SOX5: variants seen among roughly 807,000 people sequenced by gnomAD.
The protein encoded by SOX5 is transcription factor SOX-5.
Under a neutral mutation model 92.0 loss-of-function variants are expected in SOX5, and 9 were observed. That is an observed-to-expected ratio of 0.10 (90% CI 0.06 to 0.17). The LOEUF (loss-of-function observed/expected upper bound fraction) is 0.17. SOX5 is among the 10% of genes least tolerant of loss of function. The pLI is 1.00. For synonymous variants in SOX5, 344 were observed against 336.3 expected (o/e 1.02, Z -0.25); for missense variants, 642 against 944.5 (o/e 0.68, Z 4.20).
intron 6 of SOX5, among the ~76,000 whole-genome samples, chr12:23,728,429 G>T (rs905869324): frequency 6.6e-6 from 1 of 152,028 alleles, no homozygotes; most frequent in Non-Finnish European, 1.5e-5. Context: ...ATGTGTGCAG[G>T]GTCTTGTTGA....
intron 4 of SOX5, among the ~76,000 whole-genome samples, chr12:24,055,767 T>G (rs1312712395): frequency 6.6e-6 from 1 of 152,206 alleles, no homozygotes; most frequent in Non-Finnish European, 1.5e-5. Context: ...TACAATGACA[T>G]TTTAAACAAT....
At chr12:24,185,793 C>G (rs903127329) in intron 4 of SOX5, among the ~76,000 whole-genome samples, 10 of 152,106 alleles carry the variant, frequency 6.6e-5, no homozygotes, top group African/African-American at 2.4e-4. Context: ...TAAATGTTAT[C>G]CATGATTAAT....
At chr12:24,100,474 C>T (rs992308254) in intron 4 of SOX5, among the ~76,000 whole-genome samples, 7 of 152,258 alleles carry the variant, frequency 4.6e-5, no homozygotes, top group African/African-American at 1.7e-4. Context: ...TGGGCTTCCT[C>T]CTACATCACT....
At chr12:23,563,568 T>G (rs1946573774) in intron 10 of SOX5, among the ~76,000 whole-genome samples, 165 bp from the exon 11 acceptor site, 1 of 152,220 alleles carries the variant, frequency 6.6e-6, no homozygotes, top group Non-Finnish European at 1.5e-5. Flanking sequence ...CAATGACTGA[T>G]CCATATAGTC....
At chr12:24,295,105 TACAA>T (rs1947053119) in intron 2 of SOX5, among the ~76,000 whole-genome samples, 1 of 152,090 alleles carries the variant, frequency 6.6e-6, no homozygotes, top group Non-Finnish European at 1.5e-5. Context: ...TATATGAACT[TACAA>T]ATAAATTTTT....
intron 1 of SOX5, among the ~76,000 whole-genome samples, chr12:24,413,881 A>G (rs1396183165): frequency 6.6e-6 from 1 of 152,196 alleles, no homozygotes; most frequent in Non-Finnish European, 1.5e-5. Flanking sequence ...ATTCCACATT[A>G]TGCAGTTTTG....
intron 4 of SOX5, among the ~76,000 whole-genome samples, chr12:24,128,758 G>C (rs1949358617): frequency 6.6e-6 from 1 of 152,062 alleles, no homozygotes; most frequent in Non-Finnish European, 1.5e-5. Flanking sequence ...GCTATTGGAG[G>C]GCTTTAAACA....
chr12:24,443,405 C>A (rs1454839444), intron 1 of SOX5, among the ~76,000 whole-genome samples: 1 of 152,160 alleles, frequency 6.6e-6, no homozygotes, highest in Non-Finnish European at 1.5e-5. Flanking sequence ...TTCCATCACA[C>A]CCTGTTGAAA....
chr12:23,851,405 T>C lies in SOX5; in HGVS notation c.271-5212A>G, dbSNP rs1408389772. 2.6e-5 allele frequency among the ~76,000 whole-genome samples: 4 copies of C among 152,044 alleles called. No homozygotes were observed. In the East Asian group the frequency reaches 7.7e-4, roughly 29 times the overall value. ...AATGTTCCTAAAAATGAGATGTAAA[T>C]ATAAAAGAGATACATTGAGGCAAAA... On this transcript the variant is annotated intron_variant, in intron 2 of 14. Transcript: ENST00000451604.
intron 4 of SOX5, among the ~76,000 whole-genome samples, chr12:24,148,481 CAAAAAAAAAAA>C (rs34951170): frequency 5.6e-5 from 3 of 53,590 alleles, no homozygotes; most frequent in African/African-American, 2.4e-4. Flanking sequence ...GGCTCCATGT[CAAAAAAAAAAA>C]AAAAAAAAAA....
chr12:23,915,665 G>A (rs993731909), intron 1 of SOX5, among the ~76,000 whole-genome samples: 1 of 151,160 alleles, frequency 6.6e-6, no homozygotes, highest in Non-Finnish European at 1.5e-5. Context: ...TCAGAATATG[G>A]TTTTTTGCTA....
At chr12:24,192,772 G>A (rs1956646776) in intron 4 of SOX5, among the ~76,000 whole-genome samples, 1 of 152,078 alleles carries the variant, frequency 6.6e-6, no homozygotes, top group Non-Finnish European at 1.5e-5. Flanking sequence ...AGATTCCTAT[G>A]ATCCCCCTGC....
At chr12:23,684,266 T>A (rs1444558855) in intron 6 of SOX5, among the ~76,000 whole-genome samples, 2 of 152,062 alleles carry the variant, frequency 1.3e-5, no homozygotes, top group African/African-American at 4.8e-5. Context: ...GCAACATAAA[T>A]GCTATAATCA....
chr12:24,444,026 G>A (rs1423097041), intron 1 of SOX5, among the ~76,000 whole-genome samples: 2 of 152,194 alleles, frequency 1.3e-5, no homozygotes, highest in African/African-American at 2.4e-5. Context: ...TGAGATGTGG[G>A]GATGTGGAAG....
At chr12:24,438,622 A>T (rs1020695219) in intron 1 of SOX5, among the ~76,000 whole-genome samples, 3 of 152,190 alleles carry the variant, frequency 2.0e-5, no homozygotes, top group Non-Finnish European at 4.4e-5. Context: ...GGAGTTTGGA[A>T]GAAGTTGATT....
intron 1 of SOX5, among the ~76,000 whole-genome samples, chr12:24,439,835 C>T (rs555834736): frequency 1.3e-5 from 2 of 152,084 alleles, no homozygotes; most frequent in African/African-American, 2.4e-5. Context: ...GCGGAGCTTG[C>T]AGCAAGCCAA....
chr12:23,983,323 G>C (rs1007488785), intron 4 of SOX5, among the ~76,000 whole-genome samples: 2 of 152,078 alleles, frequency 1.3e-5, no homozygotes, highest in Non-Finnish European at 2.9e-5. Context: ...TTGTTGGGTA[G>C]TGCCAAGCTC....
intron 2 of SOX5, among the ~76,000 whole-genome samples, chr12:24,352,993 A>G (rs472320): frequency 0.34 from 52,054 of 152,092 alleles, 10,210 homozygotes; most frequent in East Asian, 0.79. Flanking sequence ...AATTTCTCAC[A>G]TGCCCAGGGG....
intron 4 of SOX5, among the ~76,000 whole-genome samples, chr12:23,986,089 T>C (rs936842354): frequency 6.6e-6 from 1 of 152,196 alleles, no homozygotes. Context: ...TAATTTCATC[T>C]ACAACTTTAT....
Sources: allele counts gnomAD v4.1 joint callset (sites outside exome capture counted in the v4.1 genomes callset), GRCh38; gene constraint gnomAD v4.1.1; transcripts MANE v1.5; gene names NCBI Gene and HGNC (gene_info 2026-07-23, HGNC 2026-07-21).